The following RASGEF1A variants were observed in gnomAD, a reference collection of about 807,000 sequenced individuals.
The protein encoded by RASGEF1A is RasGEF domain family member 1A.
In RASGEF1A, 18 loss-of-function variants were observed where a neutral mutation model predicts 56.4. The ratio of observed to expected loss-of-function variants is 0.32; its 90% CI spans 0.22 to 0.47. The LOEUF is 0.47. RASGEF1A is among the 20% of genes least tolerant of loss of function. RASGEF1A has a pLI of 1.00. For missense variants in RASGEF1A, 422 were observed against 627.1 expected, an observed-to-expected ratio of 0.67 and a Z score of 3.49; for synonymous variants, 245 against 242.6, an observed-to-expected ratio of 1.01 and a Z score of -0.09.
chr10:43,211,986 C>T (rs1840075329), intron 1 of RASGEF1A, among the ~76,000 whole-genome samples: 1 of 152,224 alleles, frequency 6.6e-6, no homozygotes, highest in African/African-American at 2.4e-5. Context: ...GTGCCACCCA[C>T]ATCTAGGCCT....
chr10:43,233,264 T>A (rs553075533), intron 1 of RASGEF1A, among the ~76,000 whole-genome samples: 1 of 152,194 alleles, frequency 6.6e-6, no homozygotes, highest in African/African-American at 2.4e-5. Context: ...GACTGTAACA[T>A]GTCTATGCAC....
chr10:43,232,485 CTTTTTT>C (rs55766600), intron 1 of RASGEF1A, among the ~76,000 whole-genome samples: 1 of 123,692 alleles, frequency 8.1e-6, no homozygotes, highest in African/African-American at 3.0e-5. Flanking sequence ...CAGTCTCCGG[CTTTTTT>C]TTTTTTTTTT....
At chr10:43,265,194 T>C (rs1836602324) in intron 1 of RASGEF1A, among the ~76,000 whole-genome samples, 1 of 152,190 alleles carries the variant, frequency 6.6e-6, no homozygotes, top group South Asian at 2.1e-4. Context: ...ACCCCTCTGC[T>C]CTGTGTGAAC....
chr10:43,242,753 C>T (rs1200846622), intron 1 of RASGEF1A, among the ~76,000 whole-genome samples: 5 of 151,788 alleles, frequency 3.3e-5, no homozygotes, highest in African/African-American at 1.2e-4. Flanking sequence ...GGCTGGTTTC[C>T]AGCTCCTGGC....
In RASGEF1A at chr10:43,255,888, C is replaced by G. The variant is rs1840682459; in HGVS notation, c.-7+10957G>C. ...TCTGCCCACTGGCACCCCACTCCCC[C>G]AGAGGAGCACCAGTCTAGAGTGGGG... On this transcript the variant is annotated intron_variant, in intron 1 of 12. Transcript: ENST00000395810. 2.0e-5 allele frequency among the ~76,000 whole-genome samples: 3 copies of G among 152,332 alleles called. No homozygotes were observed. In the South Asian group the frequency reaches 6.2e-4, roughly 32 times the overall value.
chr10:43,211,497 G>A (rs774814161), intron 1 of RASGEF1A, among the ~76,000 whole-genome samples: 4 of 152,286 alleles, frequency 2.6e-5, no homozygotes, highest in Admixed American at 1.3e-4. Flanking sequence ...GAGGGCAGGC[G>A]GCAGACAACC....
Position 43,250,633 on chromosome 10 carries a change from C to T in RASGEF1A, c.-7+16212G>A, listed in dbSNP as rs1044409836. ...GAGAAGCCCCAAGTGTGGGGTGTGC[C>T]GAAGGGGAAGGGGGGGGTCAGGCAC... On this transcript the variant is annotated intron_variant, in intron 1 of 12. Coordinates refer to ENST00000395810, the MANE Select transcript of RASGEF1A (RefSeq NM_145313.4). 4.8e-5 allele frequency among the ~76,000 whole-genome samples: 7 copies of T among 146,812 alleles called. No individual in the cohort carries two copies. In the South Asian group the frequency reaches 6.9e-4, roughly 14 times the overall value.
In RASGEF1A at chr10:43,265,135, CCCT is replaced by C. The variant is rs149940317; in HGVS notation, c.-7+1707_-7+1709del. Among the ~76,000 whole-genome samples, 1,358 of 152,122 alleles carry C rather than the reference CCCT, an allele frequency of 8.9e-3. 57 individuals carry two copies. The East Asian group carries it at 0.095, about 11-fold the overall frequency. On this transcript the variant is annotated intron_variant, in intron 1 of 12. Transcript: ENST00000395810. ...ACTGTCCAGCACAAATGCCATTTCT[CCCT>C]CCTCCTCCTCCTCCCCTGCCTGCAG...
At chr10:43,204,710 G>A (rs1839967720) in intron 2 of RASGEF1A, among the ~76,000 whole-genome samples, 1 of 152,242 alleles carries the variant, frequency 6.6e-6, no homozygotes. Context: ...AGGAGCCAAT[G>A]CCCAACTGGA....
intron 1 of RASGEF1A, among the ~76,000 whole-genome samples, chr10:43,212,705 G>C (rs1424047718): frequency 2.6e-5 from 4 of 152,258 alleles, no homozygotes; most frequent in African/African-American, 9.6e-5. Flanking sequence ...TGCTCAGCCT[G>C]GGTGAGGGAC....
intron 1 of RASGEF1A, among the ~76,000 whole-genome samples, chr10:43,233,007 C>T (rs565131115): frequency 6.6e-6 from 1 of 151,642 alleles, no homozygotes; most frequent in African/African-American, 2.4e-5. Context: ...ACAGGCCCTG[C>T]CCACCCTCCC....
intron 1 of RASGEF1A, among the ~76,000 whole-genome samples, chr10:43,241,398 G>C (rs1346320018): frequency 6.6e-6 from 1 of 152,198 alleles, no homozygotes; most frequent in Non-Finnish European, 1.5e-5. Context: ...CAAAGGAGAG[G>C]AGAGGCAACA....
rs12265842 is a variant in RASGEF1A, at chr10:43,212,296, G to C, written c.-6-6174C>G. Among the ~76,000 whole-genome samples the C allele has an allele frequency of 7.0e-3, 1,061 of 152,308 alleles. 17 individuals are homozygous for C. The highest frequency in any genetic ancestry group is 0.024 in the African/African-American group (1,004 of 41,570). On this transcript the variant is annotated intron_variant, in intron 1 of 12. Coordinates refer to ENST00000395810, the MANE Select transcript of RASGEF1A (RefSeq NM_145313.4). ...CCGGGACTGTGCTTCCCAATAAAGCGAGCACAGCCAACATTTCCGTGAGCT... is the reference window on the plus strand; with the variant it reads ...CCGGGACTGTGCTTCCCAATAAAGCCAGCACAGCCAACATTTCCGTGAGCT...
rs117662103 is a variant in RASGEF1A at position 43,245,373 on chromosome 10, C to T, written c.-7+21472G>A. On this transcript the variant is annotated intron_variant, in intron 1 of 12. Coordinates refer to ENST00000395810, the MANE Select transcript of RASGEF1A (RefSeq NM_145313.4). ...AACACTTAAAGAATTAACACCAATC[C>T]CTTACAATGTCCTTCAAAAAATAGA... 7.9e-3 allele frequency among the ~76,000 whole-genome samples: 1,200 copies of T among 152,236 alleles called. 10 individuals are homozygous for T. The highest frequency in any genetic ancestry group is 0.013 in the Admixed American group (196 of 15,294).
intron 3 of RASGEF1A, 49 bp downstream of exon 3, chr10:43,203,249 G>C: frequency 7.0e-7 from 1 of 1,425,612 alleles, no homozygotes; most frequent in Non-Finnish European, 9.3e-7. Flanking sequence ...CCTTGACCTC[G>C]CCTCCTGCCC....
intron 1 of RASGEF1A, among the ~76,000 whole-genome samples, chr10:43,243,372 C>T (rs1017824109): frequency 2.6e-5 from 4 of 151,104 alleles, no homozygotes; most frequent in African/African-American, 7.3e-5. Context: ...TGCCCAGCTG[C>T]CCCGTCCGGG....
At chr10:43,259,935 G>A (rs937058301) in intron 1 of RASGEF1A, among the ~76,000 whole-genome samples, 1 of 152,132 alleles carries the variant, frequency 6.6e-6, no homozygotes, top group East Asian at 1.9e-4. Flanking sequence ...ACGGCAGGAA[G>A]GCTCGGAGAG....
intron 1 of RASGEF1A, chr10:43,208,381 C>T (rs1224366457): frequency 8.1e-6 from 8 of 985,684 alleles, no homozygotes; most frequent in Non-Finnish European, 9.6e-6. Context: ...GTCCAGCCTG[C>T]AGAGAGACCT....
intron 1 of RASGEF1A, among the ~76,000 whole-genome samples, chr10:43,253,497 C>T (rs1840649868): frequency 6.6e-6 from 1 of 152,216 alleles, no homozygotes; most frequent in Admixed American, 6.5e-5. Flanking sequence ...CCATTGTATT[C>T]ACAAGTCCTT....
Sources: gnomAD v4.1 joint callset for allele counts (sites outside exome capture counted in the v4.1 genomes callset) on GRCh38, gnomAD v4.1.1 for gene constraint, MANE v1.5 for transcripts, NCBI Gene and HGNC (gene_info 2026-07-23, HGNC 2026-07-21) for gene names.